RPGRIP1L: variants seen among roughly 807,000 people sequenced by gnomAD.
RPGRIP1L encodes RPGRIP1 like, also known as protein fantom.
RPGRIP1L carries 131 observed loss-of-function variants against 160.4 expected under a neutral mutation model. That is an observed-to-expected ratio of 0.82 (90% CI 0.71 to 0.94). RPGRIP1L has a LOEUF of 0.94. Ranked by LOEUF, RPGRIP1L falls within the 40% of genes least tolerant of loss-of-function variation. The pLI, the probability that RPGRIP1L is intolerant of heterozygous loss-of-function variation, is 0.00. For synonymous variants in RPGRIP1L, 510 were observed against 515.8 expected (o/e 0.99, Z 0.15); for missense variants, 1,522 against 1,535.8 (o/e 0.99, Z 0.15).
intron 3 of RPGRIP1L, chr16:53,693,529 C>G (rs1970529412): frequency 6.6e-6 from 1 of 152,144 alleles, no homozygotes. Context: ...TCAGGGAGAG[C>G]TATGCATAAC....
At chr16:53,642,247 T>A (rs374514474) in intron 17 of RPGRIP1L, among the ~76,000 whole-genome samples, 15 of 152,120 alleles carry the variant, frequency 9.9e-5, no homozygotes, top group African/African-American at 3.6e-4. Flanking sequence ...CAGTGATTAT[T>A]CACAGATGCG....
chr16:53,660,592 A>G (rs1365109891), intron 10 of RPGRIP1L, among the ~76,000 whole-genome samples: 2 of 152,124 alleles, frequency 1.3e-5, no homozygotes, highest in Non-Finnish European at 2.9e-5. Context: ...GATCCTAGGC[A>G]ATACAGAGAC....
Position 53,664,964 on chromosome 16 carries a change from T to C in RPGRIP1L, c.1149A>G (p.Gln383=), listed in dbSNP as rs2151198800. Residue 383 remains glutamine, a synonymous_variant, in exon 10 of 27, where the codon CAA becomes CAG. Coordinates refer to ENST00000647211, the MANE Select transcript of RPGRIP1L (RefSeq NM_015272.5). ...GCTGAGCAATCTGCACTTTCAGCTG[T>C]TGCTCCTTTAACTTCCATTGCTCTT... ...AHEEQWKLKE[Q]QLKVQIAQLE... The C allele has an allele frequency of 3.1e-6, 5 of 1,613,692 alleles. No individual in the cohort carries two copies. Among genetic ancestry groups the C allele is most frequent in the Non-Finnish European group, 4.2e-6 (5 of 1,179,908 alleles).
intron 16 of RPGRIP1L, among the ~76,000 whole-genome samples, chr16:53,646,607 G>A (rs1038020719): frequency 1.3e-5 from 2 of 152,204 alleles, no homozygotes; most frequent in African/African-American, 4.8e-5. Flanking sequence ...CTACTCTACG[G>A]TTCCTTTGGA....
rs1328154499 is a variant in RPGRIP1L, at chr16:53,622,290, G to A, written c.3361C>T (p.Pro1121Ser). The change falls in exon 23 of 27, where the codon CCG becomes TCG. Residue 1121 changes from proline to serine, a missense_variant. Coordinates refer to ENST00000647211, the MANE Select transcript of RPGRIP1L (RefSeq NM_015272.5). Reference protein sequence around the residue: ...AISAHCNFRLPGSSDFPASAS... With the variant: ...AISAHCNFRLSGSSDFPASAS... ...GAGGCAGGAAAATCGCTGGAACCCG[G>A]GAGGCGGAAGTTGCAGTGAGCTGAG... The A allele has an allele frequency of 4.6e-6, 3 of 655,326 alleles. No individual in the cohort carries two copies. The highest frequency in any genetic ancestry group is 8.4e-6 in the Non-Finnish European group (3 of 356,200). 40.6% of individuals were successfully genotyped at this position (655,326 alleles called of 1,614,324 possible).
intron 16 of RPGRIP1L, among the ~76,000 whole-genome samples, chr16:53,648,435 G>T (rs1206205740): frequency 1.3e-5 from 2 of 152,134 alleles, no homozygotes; most frequent in Non-Finnish European, 2.9e-5. Flanking sequence ...TTTAACAAAA[G>T]TCTTTTGATG....
intron 3 of RPGRIP1L, chr16:53,695,368 A>G (rs2151375626): frequency 1.4e-6 from 1 of 703,026 alleles, no homozygotes; most frequent in Middle Eastern, 2.3e-4. Context: ...CACAGAGTAG[A>G]AACTGAACTG....
At chr16:53,640,108 T>C (rs1966109668) in intron 19 of RPGRIP1L, among the ~76,000 whole-genome samples, 1 of 152,164 alleles carries the variant, frequency 6.6e-6, no homozygotes, top group Non-Finnish European at 1.5e-5. Context: ...ACACCTTTTG[T>C]GGATGACCTG....
At chr16:53,687,421 G>A (rs1047378850) in intron 5 of RPGRIP1L, among the ~76,000 whole-genome samples, 3 of 151,976 alleles carry the variant, frequency 2.0e-5, no homozygotes, top group African/African-American at 7.2e-5. Context: ...AGAATCATAC[G>A]AAAACAAAAT....
chr16:53,700,576 C>T, intron 2 of RPGRIP1L, 63 bp downstream of exon 2: 1 of 1,294,304 alleles, frequency 7.7e-7, no homozygotes, highest in Non-Finnish European at 1.1e-6. Context: ...ATAAGAAATA[C>T]TTTAAATTAA....
chr16:53,631,147 T>C (rs1281773534), intron 22 of RPGRIP1L, among the ~76,000 whole-genome samples: 1 of 152,220 alleles, frequency 6.6e-6, no homozygotes, highest in Non-Finnish European at 1.5e-5. Flanking sequence ...TCCTAAGTGA[T>C]TTAATAATTT....
chr16:53,665,049 C>T, intron 9 of RPGRIP1L, 40 bp from the exon 10 acceptor site: 1 of 1,611,462 alleles, frequency 6.2e-7, no homozygotes, highest in South Asian at 1.1e-5. Context: ...GCTTGGAAAT[C>T]AGCTTCAACC....
chr16:53,660,594 T>C (rs1967698228), intron 10 of RPGRIP1L, among the ~76,000 whole-genome samples: 1 of 151,134 alleles, frequency 6.6e-6, no homozygotes, highest in South Asian at 2.1e-4. Context: ...TCCTAGGCAA[T>C]ACAGAGACAT....
rs867158473 is a variant in RPGRIP1L, at chr16:53,657,647, A to C, written c.1402-15T>G. On this transcript the variant is annotated splice_polypyrimidine_tract_variant and intron_variant, in intron 12 of 26. Coordinates refer to ENST00000647211, the MANE Select transcript of RPGRIP1L (RefSeq NM_015272.5). ...TCTTTTTGAGCCTAAAATAAAAAAC[A>C]TGTTTTATGACTGAAACAAAAATTT... is the stretch of plus-strand genomic sequence containing the variant. The C allele has an allele frequency of 1.3e-6, 2 of 1,496,112 alleles. No individual in the cohort carries two copies. Among genetic ancestry groups the C allele is most frequent in the Middle Eastern group, 4.5e-4 (2 of 4,398 alleles). The allele number at this position is 1,496,112 out of a possible 1,614,324, so 92.7% of individuals were successfully genotyped here.
chr16:53,635,719 C>T (rs558287359), intron 22 of RPGRIP1L: 1 of 152,064 alleles, frequency 6.6e-6, no homozygotes, highest in East Asian at 1.9e-4. Context: ...AAAAATTCTA[C>T]AAAAGTACAA....
intron 23 of RPGRIP1L, among the ~76,000 whole-genome samples, chr16:53,620,720 C>T (rs1376739438): frequency 1.3e-5 from 2 of 152,130 alleles, no homozygotes; most frequent in South Asian, 2.1e-4. Flanking sequence ...AAGCCCTCTC[C>T]GTTCACGTGC....
At chr16:53,605,748 C>T (rs1963641869) in intron 25 of RPGRIP1L, 134 bp from the exon 26 acceptor site, 1 of 877,174 alleles carries the variant, frequency 1.1e-6, no homozygotes, top group East Asian at 2.6e-5. Flanking sequence ...AAGAAAGGTA[C>T]ACTAGGCTAG....
chr16:53,703,720 C>T (rs1971725685), intron 1 of RPGRIP1L, 83 bp downstream of exon 1: 1 of 277,658 alleles, frequency 3.6e-6, no homozygotes, highest in African/African-American at 2.2e-5. Context: ...AGAGCGGACC[C>T]TAGGACCCCG....
chr16:53,603,329 G>A (rs1216047377), intron 26 of RPGRIP1L, among the ~76,000 whole-genome samples: 1 of 152,134 alleles, frequency 6.6e-6, no homozygotes, highest in East Asian at 1.9e-4. Flanking sequence ...TCTTCATATA[G>A]TTTCTGTTTT....
Sources: gnomAD v4.1 joint callset for allele counts (sites outside exome capture counted in the v4.1 genomes callset) on GRCh38, gnomAD v4.1.1 for gene constraint, MANE v1.5 for transcripts, NCBI Gene and HGNC (gene_info 2026-07-23, HGNC 2026-07-21) for gene names.